Variants in COX10 observed in about 807,000 individuals in gnomAD.
COX10 encodes cytochrome c oxidase assembly factor heme A:farnesyltransferase COX10, also known as protoheme IX farnesyltransferase, mitochondrial.
Under a neutral mutation model 37.3 loss-of-function variants are expected in COX10, and 27 were observed. That is an observed-to-expected ratio of 0.72 (90% CI 0.53 to 1.00). The LOEUF (loss-of-function observed/expected upper bound fraction) is 1.00. Among genes scored for constraint, COX10 ranks in the 50% least tolerant of loss-of-function variants. The pLI, the probability that COX10 is intolerant of heterozygous loss-of-function variation, is 0.00. For synonymous variants in COX10, 222 were observed against 229.1 expected (o/e 0.97, Z 0.28); for missense variants, 475 against 563.2 (o/e 0.84, Z 1.59).
chr17:14,131,640 C>G (rs1388271508), intron 4 of COX10, among the ~76,000 whole-genome samples: 3 of 151,956 alleles, frequency 2.0e-5, no homozygotes, highest in Non-Finnish European at 4.4e-5. Context: ...TTTAAATGTT[C>G]TGATGACAAT....
At chr17:14,070,885 T>G (rs183633370) in intron 1 of COX10, among the ~76,000 whole-genome samples, 217 of 152,322 alleles carry the variant, frequency 1.4e-3, no homozygotes, top group Non-Finnish European at 2.6e-3. Flanking sequence ...AAGGTCCTGT[T>G]TGGTTTGTAA....
intron 4 of COX10, 25 bp from the exon 5 acceptor site, chr17:14,159,850 TTC>T: frequency 6.4e-7 from 1 of 1,557,386 alleles, no homozygotes; most frequent in Non-Finnish European, 8.8e-7. Flanking sequence ...AGTTAATGTT[TTC>T]TGTCTTTTTT....
chr17:14,098,996 C>A (rs1373606518), intron 3 of COX10, among the ~76,000 whole-genome samples: 1 of 152,084 alleles, frequency 6.6e-6, no homozygotes, highest in East Asian at 1.9e-4. Flanking sequence ...GGCCTAGACT[C>A]CCCACCTCAG....
chr17:14,142,231 C>T (rs771121575), intron 4 of COX10, among the ~76,000 whole-genome samples: 2 of 152,182 alleles, frequency 1.3e-5, no homozygotes, highest in Non-Finnish European at 2.9e-5. Context: ...CTTCCTTTAA[C>T]TCATATTTGT....
intron 4 of COX10, among the ~76,000 whole-genome samples, chr17:14,109,704 G>T (rs1429468648): frequency 6.6e-6 from 1 of 152,002 alleles, no homozygotes; most frequent in Non-Finnish European, 1.5e-5. Flanking sequence ...TTGGAATCAG[G>T]GTATTCTTTA....
chr17:14,142,277 G>A (rs1393016528), intron 4 of COX10, among the ~76,000 whole-genome samples: 2 of 152,304 alleles, frequency 1.3e-5, no homozygotes, highest in Non-Finnish European at 2.9e-5. Flanking sequence ...AGATAGTTGT[G>A]CAGACACGGA....
At chr17:14,174,058 A>G (rs1218518591) in intron 5 of COX10, among the ~76,000 whole-genome samples, 1 of 152,082 alleles carries the variant, frequency 6.6e-6, no homozygotes, top group Admixed American at 6.5e-5. Flanking sequence ...AAATGAAAAT[A>G]CAAGCCACAG....
intron 4 of COX10, among the ~76,000 whole-genome samples, chr17:14,152,796 A>G (rs1215506123): frequency 1.3e-5 from 2 of 152,154 alleles, no homozygotes; most frequent in African/African-American, 2.4e-5. Flanking sequence ...TGTATGTTCC[A>G]CCAAGGAGCA....
At chr17:14,197,073 A>C (rs1906389110) in intron 6 of COX10, among the ~76,000 whole-genome samples, 1 of 152,216 alleles carries the variant, frequency 6.6e-6, no homozygotes, top group South Asian at 2.1e-4. Context: ...ATGGTAGTCA[A>C]GATGGAGAGG....
intron 4 of COX10, among the ~76,000 whole-genome samples, chr17:14,140,548 T>C (rs527985520): frequency 1.5e-4 from 23 of 152,134 alleles, no homozygotes; most frequent in Non-Finnish European, 2.2e-4. Context: ...AGAGATAAAC[T>C]AAACTCATTA....
intron 6 of COX10, among the ~76,000 whole-genome samples, chr17:14,195,732 G>A (rs1243089563): frequency 6.6e-6 from 1 of 152,106 alleles, no homozygotes; most frequent in Non-Finnish European, 1.5e-5. Flanking sequence ...AAGATTCCTG[G>A]GCCCTACCCC....
chr17:14,098,150 T>C (rs1411053997), intron 3 of COX10, among the ~76,000 whole-genome samples: 1 of 152,212 alleles, frequency 6.6e-6, no homozygotes, highest in Non-Finnish European at 1.5e-5. Context: ...CTTTTAACTA[T>C]TACAGTTGTT....
chr17:14,079,908 A>G (rs58280293), intron 3 of COX10, among the ~76,000 whole-genome samples: 28 of 151,814 alleles, frequency 1.8e-4, no homozygotes, highest in East Asian at 9.7e-4. Context: ...GCAACATGCC[A>G]TTTTCTTATG....
chr17:14,074,170 C>T (rs1287450176), intron 1 of COX10, among the ~76,000 whole-genome samples, 153 bp from the exon 2 acceptor site: 3 of 152,178 alleles, frequency 2.0e-5, no homozygotes, highest in Admixed American at 2.0e-4. Flanking sequence ...TGCATTTATT[C>T]ACAAATCTGG....
intron 3 of COX10, among the ~76,000 whole-genome samples, chr17:14,084,586 A>AAAT (rs1239603831): frequency 6.6e-6 from 1 of 152,142 alleles, no homozygotes; most frequent in South Asian, 2.1e-4. Flanking sequence ...AGTGACTTTT[A>AAAT]AAATTTAAAA....
intron 6 of COX10, among the ~76,000 whole-genome samples, chr17:14,206,243 A>G (rs1906695558): frequency 6.6e-6 from 1 of 152,128 alleles, no homozygotes; most frequent in Admixed American, 6.5e-5. Flanking sequence ...AAAGGGAGCC[A>G]GGGCTCACAG....
At chr17:14,098,050 A>G (rs1915688920) in intron 3 of COX10, among the ~76,000 whole-genome samples, 1 of 152,208 alleles carries the variant, frequency 6.6e-6, no homozygotes, top group Admixed American at 6.5e-5. Flanking sequence ...GATTGAATCC[A>G]CAGATGTGGA....
chr17:14,169,518 C>G (rs146608662), intron 5 of COX10, among the ~76,000 whole-genome samples: 155 of 152,288 alleles, frequency 1.0e-3, no homozygotes, highest in African/African-American at 3.6e-3. Context: ...CATTTTCACA[C>G]TGCTGTAAAG....
chr17:14,138,107 G>T (rs1000065203), intron 4 of COX10, among the ~76,000 whole-genome samples: 1 of 151,894 alleles, frequency 6.6e-6, no homozygotes, highest in Non-Finnish European at 1.5e-5. Flanking sequence ...CCTTACAAAG[G>T]GAATAGTGTC....
Sources: allele counts gnomAD v4.1 joint callset (sites outside exome capture counted in the v4.1 genomes callset), GRCh38; gene constraint gnomAD v4.1.1; transcripts MANE v1.5; gene names NCBI Gene and HGNC (gene_info 2026-07-23, HGNC 2026-07-21).